Variants in POMP observed in about 807,000 individuals in gnomAD.
POMP encodes the protein proteasome maturation protein.
POMP carries 12 observed loss-of-function variants against 20.6 expected under a neutral mutation model. That is an observed-to-expected ratio of 0.58 (90% CI 0.37 to 0.94). The LOEUF is 0.94. Ranked by LOEUF, POMP falls within the 40% of genes least tolerant of loss-of-function variation. POMP has a pLI of 0.01. For missense variants in POMP, 136 were observed against 161.1 expected (o/e 0.84, Z 0.84); for synonymous variants, 53 against 55.0 (o/e 0.96, Z 0.16).
chr13:28,675,557 T>G (rs957009832), intron 5 of POMP, among the ~76,000 whole-genome samples: 2 of 152,202 alleles, frequency 1.3e-5, no homozygotes, highest in African/African-American at 4.8e-5. Context: ...GGCTTCACCT[T>G]AGGGACCTGA....
At chr13:28,666,933 A>G (rs757356746) in intron 3 of POMP, among the ~76,000 whole-genome samples, 1 of 152,170 alleles carries the variant, frequency 6.6e-6, no homozygotes, top group Non-Finnish European at 1.5e-5. Flanking sequence ...ATTGGCATCT[A>G]TGGGGTAGAG....
chr13:28,674,001 C>T (rs1884590891), intron 5 of POMP, among the ~76,000 whole-genome samples: 1 of 152,250 alleles, frequency 6.6e-6, no homozygotes, highest in Non-Finnish European at 1.5e-5. Flanking sequence ...TCTGGGAATA[C>T]AACACAGAAG....
At chr13:28,670,105 G>A (rs1884521438) in intron 4 of POMP, among the ~76,000 whole-genome samples, 1 of 152,088 alleles carries the variant, frequency 6.6e-6, no homozygotes, top group South Asian at 2.1e-4. Context: ...ATGAGACTCC[G>A]TCTCAAAAAA....
chr13:28,676,198 G>A (rs1057251351), intron 5 of POMP, among the ~76,000 whole-genome samples: 1 of 152,098 alleles, frequency 6.6e-6, no homozygotes, highest in Admixed American at 6.5e-5. Flanking sequence ...TAGAGATGGG[G>A]TTTCACCGTG....
intron 3 of POMP, among the ~76,000 whole-genome samples, chr13:28,665,562 T>C (rs1884428838): frequency 6.6e-6 from 1 of 152,128 alleles, no homozygotes; most frequent in Admixed American, 6.6e-5. Context: ...GAAATGAAAA[T>C]TGGTTATAGA....
At chr13:28,660,423 G>A (rs889179378) in intron 1 of POMP, among the ~76,000 whole-genome samples, 1 of 152,194 alleles carries the variant, frequency 6.6e-6, no homozygotes, top group African/African-American at 2.4e-5. Flanking sequence ...GATTTTGGCC[G>A]ACTGTAGGCT....
At chr13:28,663,467 T>C (rs906525133) in intron 2 of POMP, among the ~76,000 whole-genome samples, 2 of 152,138 alleles carry the variant, frequency 1.3e-5, no homozygotes, top group African/African-American at 4.8e-5. Flanking sequence ...TGTGCCACCA[T>C]GCCCGGCTAA....
intron 5 of POMP, among the ~76,000 whole-genome samples, chr13:28,673,294 C>T (rs1220259051): frequency 1.3e-5 from 2 of 152,172 alleles, no homozygotes; most frequent in Non-Finnish European, 2.9e-5. Context: ...TGGTCTCGAA[C>T]TCCTGACCTT....
intron 3 of POMP, among the ~76,000 whole-genome samples, chr13:28,667,929 A>G (rs1268244666): frequency 1.3e-5 from 2 of 152,218 alleles, no homozygotes; most frequent in Non-Finnish European, 2.9e-5. Context: ...ATTAGTACCC[A>G]ATACAAATTG....
intron 3 of POMP, among the ~76,000 whole-genome samples, chr13:28,666,436 G>C (rs1016396464): frequency 2.0e-5 from 3 of 152,206 alleles, no homozygotes; most frequent in African/African-American, 7.2e-5. Context: ...AAGAGAAACT[G>C]ACAAATCTGA....
At chr13:28,671,618 C>T (rs757929590) in intron 4 of POMP, among the ~76,000 whole-genome samples, 1 of 151,714 alleles carries the variant, frequency 6.6e-6, no homozygotes, top group South Asian at 2.1e-4. Context: ...TTTGTTTCTT[C>T]CTCTTCCTCC....
In POMP at chr13:28,662,513, TG is replaced by T. The variant is rs781375368; in HGVS notation, c.101+11del. 2 of 1,596,438 alleles carry T rather than the reference TG, an allele frequency of 1.3e-6. No homozygotes were observed. Among genetic ancestry groups the T allele is most frequent in the South Asian group, 2.2e-5 (2 of 90,700 alleles). ...CATGATCTTCTTCGGAAAGGGTATA[TG>T]GGGGAGTTATGACTTTGATTTTGTT... On this transcript the variant is annotated splice_region_variant and intron_variant, in intron 2 of 5. Transcript: ENST00000380842.
At chr13:28,671,123 G>A (rs888292063) in intron 4 of POMP, among the ~76,000 whole-genome samples, 7 of 152,154 alleles carry the variant, frequency 4.6e-5, no homozygotes, top group Admixed American at 6.5e-5. Flanking sequence ...GAAGCTACTC[G>A]TTTTCCAAAG....
At chr13:28,664,113 A>G (rs964384319) in intron 2 of POMP, among the ~76,000 whole-genome samples, 1 of 151,944 alleles carries the variant, frequency 6.6e-6, no homozygotes, top group African/African-American at 2.4e-5. Context: ...AAATATTGAA[A>G]GTGTTAGACC....
chr13:28,666,147 A>G (rs1442611356), intron 3 of POMP, among the ~76,000 whole-genome samples: 2 of 152,240 alleles, frequency 1.3e-5, no homozygotes, highest in Non-Finnish European at 2.9e-5. Context: ...GAAAACATTT[A>G]TAGAGGTGAG....
At chr13:28,666,827 G>A (rs1325171467) in intron 3 of POMP, among the ~76,000 whole-genome samples, 1 of 152,160 alleles carries the variant, frequency 6.6e-6, no homozygotes. Flanking sequence ...ACTAGGGGAG[G>A]ATCATCCTCC....
At chr13:28,668,192 G>T (rs1158303742) in intron 3 of POMP, among the ~76,000 whole-genome samples, 2 of 152,048 alleles carry the variant, frequency 1.3e-5, no homozygotes, top group African/African-American at 4.8e-5. Flanking sequence ...TGATTGTCTT[G>T]TAAATCTACT....
At chr13:28,665,636 T>C (rs1318890578) in intron 3 of POMP, among the ~76,000 whole-genome samples, 1 of 152,236 alleles carries the variant, frequency 6.6e-6, no homozygotes, top group African/African-American at 2.4e-5. Context: ...TGTGGTAACA[T>C]TGATCCCTGA....
chr13:28,664,162 C>T (rs1390140402), intron 2 of POMP, among the ~76,000 whole-genome samples: 3 of 152,148 alleles, frequency 2.0e-5, no homozygotes, highest in African/African-American at 7.2e-5. Context: ...GCAAGAAGTA[C>T]CTCATCAGAG....
Sources: gnomAD v4.1 joint callset for allele counts (sites outside exome capture counted in the v4.1 genomes callset) on GRCh38, gnomAD v4.1.1 for gene constraint, MANE v1.5 for transcripts, NCBI Gene and HGNC (gene_info 2026-07-23, HGNC 2026-07-21) for gene names.